The following PFKFB3 variants were observed in gnomAD, a reference collection of about 807,000 sequenced individuals.
PFKFB3 encodes the protein 6-phosphofructo-2-kinase/fructose-2,6-bisphosphatase 3.
PFKFB3 carries 33 observed loss-of-function variants against 68.0 expected under a neutral mutation model. The ratio of observed to expected loss-of-function variants is 0.49; its 90% CI spans 0.37 to 0.65. PFKFB3 has a LOEUF of 0.65. Ranked by LOEUF, PFKFB3 falls within the 30% of genes least tolerant of loss-of-function variation. The pLI is 0.00. For synonymous variants in PFKFB3, 315 were observed against 288.2 expected (o/e 1.09, Z -0.94); for missense variants, 586 against 712.2 (o/e 0.82, Z 2.02).
At chr10:6,218,929 G>A (rs886573257) in intron 6 of PFKFB3, among the ~76,000 whole-genome samples, 25 of 152,218 alleles carry the variant, frequency 1.6e-4, no homozygotes, top group African/African-American at 5.8e-4. Flanking sequence ...GAGAAAAAGA[G>A]CCCAGGCATT....
Position 6,228,795 on chromosome 10 carries a change from G to A in PFKFB3, c.1515+2430G>A, listed in dbSNP as rs1377577374. The stretch of plus-strand genomic sequence containing the variant: ...AGACCCTTGGGGATCCGTTTGTCCT[G>A]GGTTGGAGCCTGCTCAGCGTCATAG... On this transcript the variant is annotated intron_variant, in intron 14 of 14. Transcript: ENST00000379775. The surrounding 1 kb of genome is among the most constrained non-coding windows in gnomAD (Gnocchi z 4.5). 1.3e-5 allele frequency among the ~76,000 whole-genome samples: 2 copies of A among 152,208 alleles called. No individual in the cohort carries two copies. Among genetic ancestry groups the A allele is most frequent in the Non-Finnish European group, 2.9e-5 (2 of 68,042 alleles).
chr10:6,153,070 T>C (rs975230301), intron 1 of PFKFB3, among the ~76,000 whole-genome samples: 2 of 151,714 alleles, frequency 1.3e-5, no homozygotes, highest in Admixed American at 6.6e-5. Context: ...TAATCCCAGC[T>C]ACTCGGGAGG....
chr10:6,319,247 TAA>T, the PFKFB3 span, among the ~76,000 whole-genome samples: 1 of 152,138 alleles, frequency 6.6e-6, no homozygotes, highest in Non-Finnish European at 1.5e-5. Context: ...ATAGCAAAGA[TAA>T]GAAATTAAAC....
rs572218601 is a variant in PFKFB3 at position 6,215,407 on chromosome 10, G to A, written c.299+90G>A. On this transcript the variant is annotated intron_variant, in intron 3 of 14. Transcript: ENST00000379775. The surrounding 1 kb of genome is among the most constrained non-coding windows in gnomAD (Gnocchi z 4.3). Reference sequence around the variant, plus strand: ...TGGGCTGCAGGAGTAAGGCTGGGCCGCGGGCGTAGGGCTGGGCTGTGGGAA... The same window carrying A: ...TGGGCTGCAGGAGTAAGGCTGGGCCACGGGCGTAGGGCTGGGCTGTGGGAA... 7 of 932,720 alleles carry A rather than the reference G, an allele frequency of 7.5e-6. No homozygotes were observed. Among genetic ancestry groups the A allele is most frequent in the South Asian group, 2.7e-5 (2 of 72,808 alleles). The allele number at this position is 932,720 out of a possible 1,614,324, so 57.8% of individuals were successfully genotyped here.
At position 6,215,255 on chromosome 10, in the gene PFKFB3, G is replaced by A; in HGVS notation, c.237G>A (p.Val79=). Residue 79 remains valine, a synonymous_variant, in exon 3 of 15, where the codon GTG becomes GTA. Coordinates refer to ENST00000379775, the MANE Select transcript of PFKFB3 (RefSeq NM_004566.4). This position sits in a 1 kb window ranked among gnomAD's most constrained non-coding sequence, Gnocchi z 4.3. The part of the protein sequence containing the change: ...FNVGEYRREA[V]KQYSSYNFFR... ...TCGGGGAGTATCGCCGGGAGGCTGT[G>A]AAGCAGTACAGCTCCTACAACTTCT... is the stretch of plus-strand genomic sequence containing the variant. 1 of 1,614,062 alleles carries A rather than the reference G, an allele frequency of 6.2e-7. No homozygotes were observed. Among genetic ancestry groups the A allele is most frequent in the Non-Finnish European group, 8.5e-7 (1 of 1,180,032 alleles).
chr10:6,306,117 T>C, the PFKFB3 span, among the ~76,000 whole-genome samples: 1 of 152,188 alleles, frequency 6.6e-6, no homozygotes, highest in Non-Finnish European at 1.5e-5. Flanking sequence ...CATGGCAGCC[T>C]CAAACTCCTG....
At chr10:6,288,703 C>CT in the PFKFB3 span, among the ~76,000 whole-genome samples, 1 of 151,956 alleles carries the variant, frequency 6.6e-6, no homozygotes, top group African/African-American at 2.4e-5. Flanking sequence ...ATTTATAGTC[C>CT]TTTGGGTATA....
intron 1 of PFKFB3, among the ~76,000 whole-genome samples, chr10:6,190,872 C>T (rs553251886): frequency 2.0e-5 from 3 of 152,210 alleles, no homozygotes; most frequent in South Asian, 4.2e-4. Context: ...TCCGCCTCCC[C>T]GGTTCAAGGA....
intron 1 of PFKFB3, among the ~76,000 whole-genome samples, chr10:6,192,129 C>T (rs1162302573): frequency 1.4e-5 from 2 of 145,142 alleles, no homozygotes; most frequent in African/African-American, 2.6e-5. Context: ...GAGTCAATGA[C>T]ATTCCCCAAT....
chr10:6,207,253 C>G (rs903734497), intron 1 of PFKFB3, among the ~76,000 whole-genome samples: 2 of 151,740 alleles, frequency 1.3e-5, no homozygotes, highest in African/African-American at 4.9e-5. Flanking sequence ...CCGGCCAACA[C>G]AGCGAAACCC....
intron 14 of PFKFB3, among the ~76,000 whole-genome samples, chr10:6,240,562 C>T (rs769092896): frequency 5.7e-4 from 86 of 152,212 alleles, no homozygotes; most frequent in Non-Finnish European, 7.4e-4. Flanking sequence ...CCGCGCCTGG[C>T]CTGAAATAAT....
At chr10:6,157,651 A>G (rs1841850355) in intron 1 of PFKFB3, among the ~76,000 whole-genome samples, 1 of 152,198 alleles carries the variant, frequency 6.6e-6, no homozygotes, top group African/African-American at 2.4e-5. Context: ...GGTCCTGTTT[A>G]TAAATGGGGT....
intron 1 of PFKFB3, among the ~76,000 whole-genome samples, chr10:6,150,925 G>C (rs1019185463): frequency 3.6e-5 from 5 of 138,790 alleles, no homozygotes; most frequent in South Asian, 2.1e-4. Context: ...CTTGAACCTG[G>C]GGGGGCGGAG....
intron 1 of PFKFB3, chr10:6,145,016 A>G: frequency 7.5e-7 from 1 of 1,337,808 alleles, no homozygotes. Flanking sequence ...CAGGAAAGGT[A>G]GGAGTCCCGG....
intron 14 of PFKFB3, among the ~76,000 whole-genome samples, chr10:6,250,027 TA>T (rs1846346342): frequency 6.6e-6 from 1 of 152,178 alleles, no homozygotes. Flanking sequence ...GCTGCATTCC[TA>T]AAGGCTAAAT....
At chr10:6,192,065 C>G (rs1843038583) in intron 1 of PFKFB3, among the ~76,000 whole-genome samples, 1 of 150,988 alleles carries the variant, frequency 6.6e-6, no homozygotes, top group Admixed American at 6.6e-5. Context: ...GAATAGATTT[C>G]TTCTGATCTT....
chr10:6,157,336 C>T (rs1245851107), intron 1 of PFKFB3, among the ~76,000 whole-genome samples: 1 of 151,732 alleles, frequency 6.6e-6, no homozygotes, highest in Non-Finnish European at 1.5e-5. Flanking sequence ...ACGCCATTCT[C>T]CTGCCTCAGC....
intron 14 of PFKFB3, among the ~76,000 whole-genome samples, chr10:6,241,760 A>T (rs934367035): frequency 6.0e-5 from 9 of 151,178 alleles, no homozygotes; most frequent in Admixed American, 6.6e-5. Context: ...AGCATCCATT[A>T]GTGTATTTTC....
chr10:6,318,357 G>A, the PFKFB3 span, among the ~76,000 whole-genome samples: 1 of 152,212 alleles, frequency 6.6e-6, no homozygotes, highest in African/African-American at 2.4e-5. Context: ...CCTTCTGTTG[G>A]TAGAAGCCCC....
Sources: gnomAD v4.1 joint callset for allele counts (sites outside exome capture counted in the v4.1 genomes callset) on GRCh38, gnomAD v4.1.1 for gene constraint, Gnocchi (gnomAD v3.1) non-coding constraint, MANE v1.5 for transcripts, NCBI Gene and HGNC (gene_info 2026-07-23, HGNC 2026-07-21) for gene names.